LYZL2: variants seen among roughly 807,000 people sequenced by gnomAD.
LYZL2 encodes lysozyme like 2.
LYZL2 carries 13 observed loss-of-function variants against 17.1 expected under a neutral mutation model. The observed-to-expected ratio is 0.76, with a 90% CI of 0.49 to 1.21. The LOEUF (loss-of-function observed/expected upper bound fraction) is 1.21, where lower values mean the gene tolerates loss of function less well. Ranked by LOEUF, LYZL2 falls within the 50% of genes most tolerant of loss-of-function variation. The probability of loss-of-function intolerance (pLI) is 0.00; values close to 1 mark genes in which losing one functional copy is unlikely to be tolerated. For missense variants in LYZL2, 166 were observed against 189.2 expected, an observed-to-expected ratio of 0.88 and a Z score of 0.72; for synonymous variants, 63 against 74.4, an observed-to-expected ratio of 0.85 and a Z score of 0.79.
At chr10:30,618,778 T>C (rs1838574525) in intron 3 of LYZL2, among the ~76,000 whole-genome samples, 1 of 152,246 alleles carries the variant, frequency 6.6e-6, no homozygotes, top group Admixed American at 6.5e-5. Context: ...AAGGACTTCA[T>C]GTCTAAAACA....
intron 3 of LYZL2, among the ~76,000 whole-genome samples, chr10:30,623,290 A>G (rs1021967385): frequency 7.9e-5 from 12 of 152,234 alleles, no homozygotes; most frequent in African/African-American, 2.9e-4. Context: ...CCCACCAAAT[A>G]TAAAATACAC....
At chr10:30,627,763 C>T (rs1465598014) in intron 1 of LYZL2, among the ~76,000 whole-genome samples, 1 of 152,088 alleles carries the variant, frequency 6.6e-6, no homozygotes, top group African/African-American at 2.4e-5. Context: ...GCATTGGCAC[C>T]CCGACCCCTA....
chr10:30,627,285 A>G (rs1838729573), intron 1 of LYZL2, among the ~76,000 whole-genome samples: 1 of 152,096 alleles, frequency 6.6e-6, no homozygotes, highest in Admixed American at 6.5e-5. Flanking sequence ...ACAGGGGTGA[A>G]ACATTCCCTA....
chr10:30,622,528 G>A (rs895177085), intron 3 of LYZL2, among the ~76,000 whole-genome samples: 7 of 151,114 alleles, frequency 4.6e-5, no homozygotes, highest in African/African-American at 1.2e-4. Flanking sequence ...CAGCCTGGGC[G>A]ACAGAGCAAA....
At chr10:30,628,091 C>T (rs1197673021) in intron 1 of LYZL2, among the ~76,000 whole-genome samples, 2 of 152,020 alleles carry the variant, frequency 1.3e-5, no homozygotes, top group African/African-American at 2.4e-5. Flanking sequence ...ACCCAGGAGG[C>T]TGAGCTTGCA....
chr10:30,609,654 G>A (rs183738236), downstream of LYZL2, among the ~76,000 whole-genome samples: 27 of 152,296 alleles, frequency 1.8e-4, no homozygotes, highest in African/African-American at 5.5e-4. Flanking sequence ...TCTGCTCAGT[G>A]TACCTGGTAA....
chr10:30,618,206 T>C (rs1325645197), intron 3 of LYZL2, among the ~76,000 whole-genome samples: 4 of 152,146 alleles, frequency 2.6e-5, no homozygotes, highest in African/African-American at 9.7e-5. Flanking sequence ...ACATTCCATG[T>C]TCATGGGTAG....
At chr10:30,622,006 G>C (rs1314624694) in intron 3 of LYZL2, among the ~76,000 whole-genome samples, 1 of 152,168 alleles carries the variant, frequency 6.6e-6, no homozygotes, top group African/African-American at 2.4e-5. Flanking sequence ...GAAGTATACT[G>C]TTAAGAAACT....
intron 1 of LYZL2, among the ~76,000 whole-genome samples, chr10:30,628,081 A>T (rs1293442237): frequency 6.6e-6 from 1 of 152,010 alleles, no homozygotes; most frequent in African/African-American, 2.4e-5. Flanking sequence ...AATGGCGTGA[A>T]CCCAGGAGGC....
intron 3 of LYZL2, among the ~76,000 whole-genome samples, chr10:30,624,654 C>G (rs1368820936): frequency 1.3e-5 from 2 of 152,218 alleles, no homozygotes; most frequent in African/African-American, 4.8e-5. Context: ...AGAAAATATA[C>G]TCTAGGTGGC....
chr10:30,616,871 CT>C (rs1838535623), intron 3 of LYZL2, among the ~76,000 whole-genome samples: 1 of 17,850 alleles, frequency 5.6e-5, no homozygotes, highest in Non-Finnish European at 1.4e-4. Context: ...TGAAAATATA[CT>C]TTTAATTTTT....
At position 30,615,256 on chromosome 10, in the gene LYZL2, C is replaced by T. The variant is rs373220388; in HGVS notation, c.299-2356G>A. 8.0e-4 allele frequency among the ~76,000 whole-genome samples: 122 copies of T among 152,238 alleles called. 1 individual carries two copies. In the South Asian group the frequency reaches 0.011, roughly 14 times the overall value. On this transcript the variant is annotated intron_variant, in intron 3 of 4. Transcript: ENST00000647634. Reference sequence around the variant, plus strand: ...GCAACAACATGGAAGAACGGAAGGACGTCATGCTAAGTGAAGGAAGTGAGA... The same window carrying T: ...GCAACAACATGGAAGAACGGAAGGATGTCATGCTAAGTGAAGGAAGTGAGA...
At chr10:30,611,562 GGAAGGAAGGAAA>G (rs1236625011), downstream of LYZL2, among the ~76,000 whole-genome samples, 296 of 83,760 alleles carry the variant, frequency 3.5e-3, no homozygotes, top group South Asian at 0.019. Context: ...AAGGAAGGAA[GGAAGGAAGGAAA>G]GAAAGAAAGA....
chr10:30,620,443 C>T (rs1322577892), intron 3 of LYZL2, among the ~76,000 whole-genome samples: 1 of 152,216 alleles, frequency 6.6e-6, no homozygotes, highest in South Asian at 2.1e-4. Flanking sequence ...ACTGTCTATT[C>T]TGCACCTAAC....
chr10:30,627,180 T>A (rs150974535), intron 1 of LYZL2, among the ~76,000 whole-genome samples: 1 of 150,312 alleles, frequency 6.7e-6, no homozygotes, highest in Non-Finnish European at 1.5e-5. Flanking sequence ...GTTAAGTAAG[T>A]GAAAAAATTA....
chr10:30,614,932 A>G (rs1284035094), intron 3 of LYZL2, among the ~76,000 whole-genome samples: 1 of 152,230 alleles, frequency 6.6e-6, no homozygotes, highest in African/African-American at 2.4e-5. Flanking sequence ...TTGCCTCATA[A>G]TCAGTGATAT....
chr10:30,613,627 T>G (rs182843768), intron 3 of LYZL2, among the ~76,000 whole-genome samples: 8 of 152,328 alleles, frequency 5.3e-5, no homozygotes, highest in Admixed American at 1.3e-4. Flanking sequence ...AGTTTGTGTC[T>G]TAAAAAAATT....
At chr10:30,622,837 C>A (rs1483590123) in intron 3 of LYZL2, among the ~76,000 whole-genome samples, 1 of 152,194 alleles carries the variant, frequency 6.6e-6, no homozygotes, top group Non-Finnish European at 1.5e-5. Flanking sequence ...GTTTTAATCA[C>A]TCCTACTGAA....
chr10:30,624,979 G>C (rs1838680717), intron 3 of LYZL2, among the ~76,000 whole-genome samples: 1 of 152,182 alleles, frequency 6.6e-6, no homozygotes, highest in African/African-American at 2.4e-5. Flanking sequence ...AGGGGTGTGA[G>C]TGGTCCCTAG....
Sources: allele counts gnomAD v4.1 joint callset (sites outside exome capture counted in the v4.1 genomes callset), GRCh38; gene constraint gnomAD v4.1.1; transcripts MANE v1.5; gene names NCBI Gene and HGNC (gene_info 2026-07-23, HGNC 2026-07-21).